AMY2B: variants seen among roughly 807,000 people sequenced by gnomAD.
AMY2B encodes amylase alpha 2B.
AMY2B carries 63 observed loss-of-function variants against 59.3 expected under a neutral mutation model. The observed-to-expected ratio is 1.06, with a 90% confidence interval of 0.87 to 1.31. AMY2B has a LOEUF of 1.31. Among genes scored for constraint, AMY2B ranks in the 50% most tolerant of loss-of-function variants. The probability of loss-of-function intolerance (pLI) is 0.00; values close to 1 mark genes in which losing one functional copy is unlikely to be tolerated. For synonymous variants in AMY2B, 180 were observed against 198.1 expected (o/e 0.91, Z 0.77); for missense variants, 635 against 626.7 (o/e 1.01, Z -0.14).
upstream of AMY2B, chr1:103,570,767 T>A: frequency 4.1e-6 from 2 of 488,798 alleles, no homozygotes; most frequent in South Asian, 3.0e-5. Flanking sequence ...CATGCTAGCC[T>A]CACCAAACTG....
At position 103,577,776 on chromosome 1, in the gene AMY2B, A is replaced by C. The variant is rs1186316372; in HGVS notation, c.1277A>C (p.Asp426Ala). 9 of 1,608,634 alleles carry C rather than the reference A, an allele frequency of 5.6e-6. No individual in the cohort carries two copies. Among genetic ancestry groups the C allele is most frequent in the Non-Finnish European group, 7.6e-6 (9 of 1,179,758 alleles). Residue 426 changes from aspartate (D) to alanine (A), a missense_variant, in exon 9 of 10, where the codon GAT (aspartate) becomes GCT (alanine). Asp to Ala is a moderately radical substitution (Grantham distance 126, BLOSUM62 -2). Transcript: ENST00000684275. ...GGCCAGCCTTTTACAAACTGGTATG[A>C]TAATGGGAGCAACCAAGTGGCTTTT... ...VDGQPFTNWY[D>A]NGSNQVAFGR...
At chr1:103,574,229 A>G in intron 4 of AMY2B, 31 bp from the exon 5 acceptor site, 1 of 1,611,700 alleles carries the variant, frequency 6.2e-7, no homozygotes, top group African/African-American at 1.3e-5. Context: ...GTCCTTATGC[A>G]AAATGTTACT....
upstream of AMY2B, chr1:103,571,227 A>T (rs552741579): frequency 1.8e-4 from 118 of 665,522 alleles, 2 homozygotes; most frequent in South Asian, 2.7e-3. Context: ...TATACCTATA[A>T]ATGTATTCAT....
upstream of AMY2B, chr1:103,570,178 C>G: frequency 2.1e-6 from 1 of 474,068 alleles, no homozygotes; most frequent in South Asian, 1.7e-5. Context: ...GGAGATCAGA[C>G]ACTACGTCAA....
At chr1:103,561,034 T>C (rs1245214645) in intron 1 of AMY2B, among the ~76,000 whole-genome samples, 2 of 152,312 alleles carry the variant, frequency 1.3e-5, no homozygotes, top group South Asian at 2.1e-4. Context: ...ATTTCTATCA[T>C]GTAGGGTACG....
At chr1:103,575,572 T>C in intron 7 of AMY2B, 32 bp downstream of exon 7, 1 of 1,610,356 alleles carries the variant, frequency 6.2e-7, no homozygotes, top group Non-Finnish European at 8.5e-7. Flanking sequence ...ACTATCCTTT[T>C]CTCAAGAAAC....
chr1:103,575,000 C>T (rs143960453), intron 5 of AMY2B, among the ~76,000 whole-genome samples: 1,939 of 149,510 alleles, frequency 0.013, 20 homozygotes, highest in Middle Eastern at 0.024. Flanking sequence ...AGATTACACA[C>T]GTGTGTGTAT....
intron 9 of AMY2B, among the ~76,000 whole-genome samples, chr1:103,578,645 C>G (rs903857020): frequency 6.6e-6 from 1 of 152,042 alleles, no homozygotes; most frequent in African/African-American, 2.4e-5. Context: ...AAGCCCATGT[C>G]TAGTTCTTTA....
intron 1 of AMY2B, chr1:103,565,362 G>C (rs1489433953): frequency 6.6e-6 from 1 of 152,100 alleles, no homozygotes; most frequent in Admixed American, 6.6e-5. Flanking sequence ...ATTGTTTAGG[G>C]AATAATGACA....
chr1:103,568,924 C>G (rs550973933), upstream of AMY2B: 1 of 152,042 alleles, frequency 6.6e-6, no homozygotes, highest in African/African-American at 2.4e-5. Flanking sequence ...GAAAAAGATT[C>G]AATCCACTCA....
At chr1:103,570,535 TC>T, upstream of AMY2B, 2 of 614,940 alleles carry the variant, frequency 3.3e-6, no homozygotes, top group Non-Finnish European at 6.4e-6. Flanking sequence ...ATCAAGATGA[TC>T]GCATCCCCAG....
At chr1:103,556,872 C>T (rs1651568967) in intron 1 of AMY2B, among the ~76,000 whole-genome samples, 1 of 152,070 alleles carries the variant, frequency 6.6e-6, no homozygotes, top group Admixed American at 6.6e-5. Flanking sequence ...TAATGGAAAG[C>T]TCTTTAATGT....
upstream of AMY2B, chr1:103,571,376 G>C (rs576940735): frequency 1.4e-5 from 16 of 1,144,238 alleles, no homozygotes; most frequent in Non-Finnish European, 1.9e-5. Context: ...TAAAAGTGCT[G>C]CCAGAACCAA....
At chr1:103,578,997 G>C (rs1652471418) in intron 9 of AMY2B, among the ~76,000 whole-genome samples, 3 of 152,114 alleles carry the variant, frequency 2.0e-5, no homozygotes, top group African/African-American at 7.2e-5. Context: ...AAGTTCAGTT[G>C]AGAACAAATT....
chr1:103,574,345 T>C lies in AMY2B; in HGVS notation c.830T>C (p.Leu277Pro), dbSNP rs1557770704. The C allele has an allele frequency of 6.2e-7, 1 of 1,611,756 alleles. No individual in the cohort carries two copies. Among genetic ancestry groups the C allele is most frequent in the East Asian group, 2.2e-5 (1 of 44,850 alleles). The change falls in exon 5 of 10, where the codon CTC becomes CCC. Residue 277 changes from leucine to proline, a missense_variant. Transcript: ENST00000684275. ...RVTEFKYGAK[L>P]GTVIRKWNGE... ...ACAGAATTCAAGTATGGTGCAAAAC[T>C]CGGCACAGTTATTCGCAAGTGGAAT...
At chr1:103,561,211 A>T (rs1426753491) in intron 1 of AMY2B, among the ~76,000 whole-genome samples, 1 of 152,226 alleles carries the variant, frequency 6.6e-6, no homozygotes, top group East Asian at 1.9e-4. Flanking sequence ...CATACAGAAA[A>T]AAATGTACAT....
chr1:103,575,587 G>C, intron 7 of AMY2B, 47 bp downstream of exon 7: 1 of 1,606,300 alleles, frequency 6.2e-7, no homozygotes, highest in Non-Finnish European at 8.5e-7. Context: ...AGAAACAGAA[G>C]GCAATCTTGT....
chr1:103,564,338 C>T (rs1025100631), intron 1 of AMY2B, among the ~76,000 whole-genome samples: 1 of 152,078 alleles, frequency 6.6e-6, no homozygotes, highest in Non-Finnish European at 1.5e-5. Context: ...AATGGTGCCC[C>T]TCTTCTCTGT....
intron 1 of AMY2B, among the ~76,000 whole-genome samples, chr1:103,561,497 A>G (rs1460070435): frequency 1.3e-5 from 2 of 152,050 alleles, no homozygotes; most frequent in African/African-American, 4.8e-5. Flanking sequence ...CAAAGAGTTA[A>G]ATTTTTGATT....
Sources: allele counts gnomAD v4.1 joint callset (sites outside exome capture counted in the v4.1 genomes callset), GRCh38; gene constraint gnomAD v4.1.1; transcripts MANE v1.5; gene names NCBI Gene and HGNC (gene_info 2026-07-23, HGNC 2026-07-21).